The following MEGF8 variants were observed in gnomAD, a reference collection of about 807,000 sequenced individuals.
MEGF8 encodes the protein multiple EGF like domains 8.
Under a neutral mutation model 302.9 loss-of-function variants are expected in MEGF8, and 156 were observed. The ratio of observed to expected loss-of-function variants is 0.52; its 90% CI spans 0.45 to 0.59. MEGF8 has a LOEUF of 0.59. Among genes scored for constraint, MEGF8 ranks in the 20% least tolerant of loss-of-function variants. MEGF8 has a pLI of 0.00. For missense variants in MEGF8, 3,345 were observed against 3,964.5 expected (o/e 0.84, Z 4.20); for synonymous variants, 1,621 against 1,660.5 (o/e 0.98, Z 0.58).
intron 35 of MEGF8, among the ~76,000 whole-genome samples, chr19:42,367,256 C>T (rs1413216995): frequency 6.6e-6 from 1 of 151,956 alleles, no homozygotes; most frequent in Admixed American, 6.6e-5. Context: ...CCTCAGCAGC[C>T]ACATTTGTTC....
At chr19:42,374,828 G>C (rs1357323966) in intron 41 of MEGF8, among the ~76,000 whole-genome samples, 2 of 152,230 alleles carry the variant, frequency 1.3e-5, no homozygotes, top group African/African-American at 4.8e-5. Flanking sequence ...GGCTAGGGCT[G>C]TTGGGGAGTG....
Position 42,358,812 on chromosome 19 carries a change from G to T in MEGF8, c.5201G>T (p.Gly1734Val). Reference sequence around the variant, plus strand: ...CGAGATCGTATGAGGAATGTGCGTGGCTCATCTCGGGGTCTGGGCCAAGTT... The same window carrying T: ...CGAGATCGTATGAGGAATGTGCGTGTCTCATCTCGGGGTCTGGGCCAAGTT... ...AKRDRMRNVR[G>V]SSRGLGQVPG... Residue 1734 changes from glycine to valine, a missense_variant, in exon 30 of 42, where the codon GGC becomes GTC. By Grantham distance (109) the Gly-to-Val change is moderately radical. Coordinates refer to ENST00000251268, the MANE Select transcript of MEGF8 (RefSeq NM_001271938.2). This position sits in a 1 kb window ranked among gnomAD's most constrained non-coding sequence, Gnocchi z 4.4. The T allele has an allele frequency of 6.3e-7, 1 of 1,585,286 alleles. No homozygotes were observed. Among genetic ancestry groups the T allele is most frequent in the Non-Finnish European group, 8.6e-7 (1 of 1,166,926 alleles).
chr19:42,347,018 GA>G lies in MEGF8; in HGVS notation c.2098-1246del, dbSNP rs111967182. ...AAAAAAAAAAAAAGAAAAAGAAAAA[GA>G]AAAAAAAGTCACTAAATGGACAGTC... On this transcript the variant is annotated intron_variant, in intron 12 of 41. Coordinates refer to ENST00000251268, the MANE Select transcript of MEGF8 (RefSeq NM_001271938.2). 9.3e-5 allele frequency among the ~76,000 whole-genome samples: 13 copies of G among 140,286 alleles called. 1 individual carries two copies. The highest frequency in any genetic ancestry group is 3.4e-4 in the African/African-American group (13 of 38,462). 92.0% of individuals were successfully genotyped at this position (140,286 alleles called of 152,430 possible). A position where few individuals can be genotyped will look rare whatever the true frequency, so the allele number is the denominator to read the frequency against.
At chr19:42,347,679 A>G (rs966220849) in intron 12 of MEGF8, among the ~76,000 whole-genome samples, 4 of 151,944 alleles carry the variant, frequency 2.6e-5, no homozygotes, top group Non-Finnish European at 5.9e-5. Context: ...TTTAGTAGAG[A>G]TGGGGTTTCA....
In MEGF8 at chr19:42,358,714, C is replaced by T. The variant is rs117936687; in HGVS notation, c.5176-73C>T. 2.1e-5 allele frequency: 30 copies of T among 1,446,464 alleles called. No individual in the cohort carries two copies. Among genetic ancestry groups the T allele is most frequent in the Admixed American group, 5.7e-5 (2 of 35,148 alleles). 89.6% of individuals were successfully genotyped at this position (1,446,464 alleles called of 1,614,324 possible). ...GTTTCAGTCCACACGTTTCCAAGCC[C>T]GTCTTGGAGGCAGGGGGCTAGAAGC... On this transcript the variant is annotated intron_variant, in intron 29 of 41. Transcript: ENST00000251268. The surrounding 1 kb of genome is among the most constrained non-coding windows in gnomAD (Gnocchi z 4.4).
Position 42,343,486 on chromosome 19 carries a change from C to T in MEGF8, c.1523C>T (p.Ala508Val), listed in dbSNP as rs555480088. Residue 508 changes from alanine (A) to valine (V), a missense_variant, in exon 9 of 42, where the codon GCG becomes GTG. By Grantham distance (64) the Ala-to-Val change is moderately conservative. Transcript: ENST00000251268. ...GTCTCTATTCCCCTAGGCCGAGCAG[C>T]GCCTCCCAGTGGTCGGTACTCACAT... ...APPGTPEGRA[A>V]PPSGRYSHVA... 53 of 1,600,580 alleles carry T rather than the reference C, an allele frequency of 3.3e-5. No individual in the cohort carries two copies. Among genetic ancestry groups the T allele is most frequent in the African/African-American group, 6.7e-5 (5 of 74,734 alleles).
chr19:42,353,941 G>A lies in MEGF8; in HGVS notation c.3928G>A (p.Glu1310Lys). Residue 1310 changes from glutamate (E) to lysine (K), a missense_variant, in exon 22 of 42, where the codon GAG (glutamate) becomes AAG (lysine). Transcript: ENST00000251268. This position sits in a 1 kb window ranked among gnomAD's most constrained non-coding sequence, Gnocchi z 6.1. ...SYCVWVVSAT[E>K]ELQPCAPGTL... ...CTGTGTGTGGGTTGTCTCGGCCACT[G>A]AGGAGCTACAGCCCTGTGCTCCCGG... 1 of 1,585,962 alleles carries A rather than the reference G, an allele frequency of 6.3e-7. No homozygotes were observed. The highest frequency in any genetic ancestry group is 1.1e-5 in the South Asian group (1 of 87,092).
At chr19:42,347,913 G>T (rs1386459630) in intron 12 of MEGF8, among the ~76,000 whole-genome samples, 1 of 152,080 alleles carries the variant, frequency 6.6e-6, no homozygotes, top group African/African-American at 2.4e-5. Context: ...AATAAATCTT[G>T]CACTTTGTCT....
intron 3 of MEGF8, 86 bp downstream of exon 3, chr19:42,334,299 C>A (rs2039094122): frequency 7.7e-7 from 1 of 1,298,892 alleles, no homozygotes; most frequent in Non-Finnish European, 1.0e-6. Context: ...TGACCTTGCT[C>A]CTGCATGAAA....
chr19:42,333,527 T>C, intron 1 of MEGF8, 78 bp from the exon 2 acceptor site: 1 of 1,456,520 alleles, frequency 6.9e-7, no homozygotes, highest in Non-Finnish European at 9.4e-7. Flanking sequence ...GGGTTTGGTG[T>C]ACAATTGTGG....
chr19:42,348,515 A>G (rs1371106731), intron 13 of MEGF8, 43 bp downstream of exon 13: 38 of 1,465,350 alleles, frequency 2.6e-5, no homozygotes, highest in Non-Finnish European at 3.4e-5. Context: ...TATGGTAAAT[A>G]GGGAGTTAGG....
rs370364807 is a variant in MEGF8 at position 42,370,329 on chromosome 19, G to A, written c.6975G>A (p.Glu2325=). 2 of 1,599,210 alleles carry A rather than the reference G, an allele frequency of 1.3e-6. No individual in the cohort carries two copies. Among genetic ancestry groups the A allele is most frequent in the Non-Finnish European group, 1.7e-6 (2 of 1,172,646 alleles). ...SRKELQMSKG[E]PKKYSLDPEE... ...AGGAGTTACAAATGTCCAAGGGAGA[G>A]CCAAAGAAGTACTCACTGGACCCAG... The change falls in exon 39 of 42, where the codon GAG becomes GAA. Residue 2325 remains glutamate (E), a synonymous_variant. Coordinates refer to ENST00000251268, the MANE Select transcript of MEGF8 (RefSeq NM_001271938.2).
At chr19:42,333,861 G>A in intron 2 of MEGF8, 93 bp downstream of exon 2, 1 of 1,554,032 alleles carries the variant, frequency 6.4e-7, no homozygotes, top group Non-Finnish European at 8.8e-7. Flanking sequence ...CAAGAGCAGA[G>A]CACAGGGACA....
chr19:42,375,836 A>G lies in MEGF8; in HGVS notation c.7599A>G (p.Pro2533=). ...ACATCCAGCCACCCCCAGCCCCACC[A>G]CCTCCACCACCCCCTGCAGATGGTG... The part of the protein sequence containing the change: ...TVHIQPPPAP[P]PPPPPADGGP... Residue 2533 remains proline (P), a synonymous_variant, in exon 42 of 42, where the codon CCA becomes CCG. Coordinates refer to ENST00000251268, the MANE Select transcript of MEGF8 (RefSeq NM_001271938.2). The surrounding 1 kb of genome is among the most constrained non-coding windows in gnomAD (Gnocchi z 7.1). The G allele has an allele frequency of 3.7e-6, 6 of 1,608,468 alleles. No individual in the cohort carries two copies. The highest frequency in any genetic ancestry group is 5.1e-6 in the Non-Finnish European group (6 of 1,178,472).
At chr19:42,342,074 TA>T (rs2039222984) in intron 8 of MEGF8, among the ~76,000 whole-genome samples, 1 of 152,174 alleles carries the variant, frequency 6.6e-6, no homozygotes, top group South Asian at 2.1e-4. Context: ...CCATCAGGAA[TA>T]AAGTCCAGGC....
At chr19:42,348,125 A>T in intron 12 of MEGF8, 147 bp from the exon 13 acceptor site, 1 of 721,338 alleles carries the variant, frequency 1.4e-6, no homozygotes, top group Non-Finnish European at 2.2e-6. Context: ...GTGACCTTTG[A>T]CAAGCCACCT....
chr19:42,353,710 G>T lies in MEGF8; in HGVS notation c.3761+35G>T. 6.4e-7 allele frequency: 1 copy of T among 1,574,558 alleles called. No individual in the cohort carries two copies. Among genetic ancestry groups the T allele is most frequent in the African/African-American group, 1.3e-5 (1 of 74,498 alleles). On this transcript the variant is annotated intron_variant, in intron 21 of 41. Transcript: ENST00000251268. This position sits in a 1 kb window ranked among gnomAD's most constrained non-coding sequence, Gnocchi z 6.1. ...CGGGCCAGCCAGGGCTGGGTAGGGT[G>T]TGCTTGGGGACACAGTGGGGAGGGT...
At chr19:42,335,537 G>A (rs1424987449) in intron 5 of MEGF8, among the ~76,000 whole-genome samples, 152 bp downstream of exon 5, 6 of 152,196 alleles carry the variant, frequency 3.9e-5, no homozygotes, top group African/African-American at 2.4e-5. Context: ...TTTTCTCTCC[G>A]GTTTTCTTTT....
intron 3 of MEGF8, among the ~76,000 whole-genome samples, chr19:42,334,707 GTCTT>G (rs2147448047): frequency 6.6e-6 from 1 of 152,254 alleles, no homozygotes; most frequent in Non-Finnish European, 1.5e-5. Context: ...CCAGCCTGCC[GTCTT>G]TCTGTCTTTT....
Sources: allele counts gnomAD v4.1 joint callset (sites outside exome capture counted in the v4.1 genomes callset), GRCh38; gene constraint gnomAD v4.1.1; non-coding constraint Gnocchi (gnomAD v3.1); transcripts MANE v1.5; gene names NCBI Gene and HGNC (gene_info 2026-07-23, HGNC 2026-07-21).